The following ELP2 variants were observed in gnomAD, a reference collection of about 807,000 sequenced individuals.
ELP2 encodes elongator complex protein 2.
Under a neutral mutation model 119.2 loss-of-function variants are expected in ELP2, and 90 were observed. The ratio of observed to expected loss-of-function variants is 0.75; its 90% CI spans 0.64 to 0.90. The LOEUF (loss-of-function observed/expected upper bound fraction) is 0.90, where lower values mean the gene tolerates loss of function less well. ELP2 is among the 40% of genes least tolerant of loss of function. ELP2 has a pLI of 0.00. For missense variants in ELP2, 921 were observed against 967.8 expected (o/e 0.95, Z 0.64); for synonymous variants, 339 against 331.0 (o/e 1.02, Z -0.26).
chr18:36,132,044 G>A (rs1339249913), intron 1 of ELP2, among the ~76,000 whole-genome samples: 1 of 149,966 alleles, frequency 6.7e-6, no homozygotes, highest in Admixed American at 6.7e-5. Context: ...CCTAGTAGCA[G>A]GGATTACAGG....
chr18:36,150,927 C>T (rs1420768100), intron 11 of ELP2, among the ~76,000 whole-genome samples: 1 of 151,892 alleles, frequency 6.6e-6, no homozygotes, highest in East Asian at 1.9e-4. Flanking sequence ...GGAACTTCAC[C>T]CCCAGACCAT....
chr18:36,158,688 A>C, intron 13 of ELP2, 147 bp from the exon 14 acceptor site: 2 of 612,076 alleles, frequency 3.3e-6, no homozygotes, highest in Non-Finnish European at 5.8e-6. Flanking sequence ...ACGGGTAGAC[A>C]TCCACACAAG....
At chr18:36,158,937 A>T (rs778466052) in intron 14 of ELP2, 33 bp downstream of exon 14, 1 of 1,461,262 alleles carries the variant, frequency 6.8e-7, no homozygotes. Context: ...TATTAAACCC[A>T]TAGTGGTACT....
chr18:36,170,981 G>C (rs1210810156), intron 20 of ELP2, 66 bp from the exon 21 acceptor site: 1 of 1,151,472 alleles, frequency 8.7e-7, no homozygotes, highest in Non-Finnish European at 1.3e-6. Flanking sequence ...AACTACTTTA[G>C]AGCAATGACG....
intron 11 of ELP2, among the ~76,000 whole-genome samples, chr18:36,146,671 G>C (rs190693919): frequency 6.6e-6 from 1 of 152,102 alleles, no homozygotes; most frequent in Non-Finnish European, 1.5e-5. Flanking sequence ...TATCTTGTTG[G>C]ACTGCTAGAT....
At chr18:36,139,780 A>G (rs2089958325) in intron 5 of ELP2, 1 of 424,540 alleles carries the variant, frequency 2.4e-6, no homozygotes, top group Non-Finnish European at 4.1e-6. Context: ...ATTATTAATG[A>G]TTTTTTATCT....
chr18:36,150,461 T>C (rs1020308085), intron 11 of ELP2, among the ~76,000 whole-genome samples: 3 of 152,180 alleles, frequency 2.0e-5, no homozygotes, highest in Non-Finnish European at 4.4e-5. Flanking sequence ...CTGGAGACAG[T>C]ATGGGTGTTT....
At position 36,141,256 on chromosome 18, in the gene ELP2, A is replaced by G. The variant is rs2090017652; in HGVS notation, c.588+55A>G. 3 of 1,302,726 alleles carry G rather than the reference A, an allele frequency of 2.3e-6. No individual in the cohort carries two copies. The South Asian group carries it at 3.5e-5, about 15-fold the overall frequency. 80.7% of individuals were successfully genotyped at this position (1,302,726 alleles called of 1,614,324 possible). On this transcript the variant is annotated intron_variant, in intron 6 of 21. Transcript: ENST00000358232. ...TTATATTCTGCTTAGTTATATCTCA[A>G]TACAGACTATATCCAGATTATAGAA...
At chr18:36,171,384 A>G (rs1309852302) in intron 21 of ELP2, among the ~76,000 whole-genome samples, 3 of 152,252 alleles carry the variant, frequency 2.0e-5, no homozygotes, top group Non-Finnish European at 4.4e-5. Flanking sequence ...TGCATGCATA[A>G]TATTATTTTT....
intron 18 of ELP2, among the ~76,000 whole-genome samples, chr18:36,166,377 C>T (rs1275962978): frequency 8.7e-6 from 1 of 114,574 alleles, no homozygotes; most frequent in African/African-American, 3.5e-5. Flanking sequence ...GTTCCCCAGG[C>T]TGGAGTGCAG....
At chr18:36,139,633 T>C (rs1251417066) in intron 5 of ELP2, 2 of 1,500,774 alleles carry the variant, frequency 1.3e-6, no homozygotes, top group Admixed American at 2.2e-5. Flanking sequence ...GTTTTGTTTT[T>C]ATTGTTTTTA....
At position 36,170,209 on chromosome 18, in the gene ELP2, G is replaced by A. The variant is rs780885925; in HGVS notation, c.2210+13G>A. 6.2e-7 allele frequency: 1 copy of A among 1,614,068 alleles called. No homozygotes were observed. Among genetic ancestry groups the A allele is most frequent in the Non-Finnish European group, 8.5e-7 (1 of 1,180,002 alleles). ...ACCCTTCTCAACGGTCAGTCTCTGT[G>A]TGGGGCTTAGTTTTAAGAGGACCAC... On this transcript the variant is annotated intron_variant, in intron 20 of 21. Coordinates refer to ENST00000358232, the MANE Select transcript of ELP2 (RefSeq NM_018255.4).
chr18:36,145,103 C>A, intron 9 of ELP2, 69 bp downstream of exon 9: 1 of 1,225,272 alleles, frequency 8.2e-7, no homozygotes, highest in South Asian at 1.2e-5. Flanking sequence ...CTGACCAAAT[C>A]AAGTGGAGAA....
rs932997129 is a variant in ELP2, at chr18:36,175,516, A to G, written c.*875A>G. 1 of 152,240 alleles carries G rather than the reference A, an allele frequency of 6.6e-6. No individual in the cohort carries two copies. Among genetic ancestry groups the G allele is most frequent in the African/African-American group, 2.4e-5 (1 of 41,452 alleles). The allele number at this position is 152,240 out of a possible 1,614,324, so 9.4% of individuals were successfully genotyped here. The stretch of plus-strand genomic sequence containing the variant: ...TTTAGGGCTTTACTGAAAGTAAAAT[A>G]TCCTGACATTTAAACTGACAGATGT... On this transcript the variant is annotated 3_prime_UTR_variant, in exon 22 of 22. Coordinates refer to ENST00000358232, the MANE Select transcript of ELP2 (RefSeq NM_018255.4).
chr18:36,166,949 G>A, intron 18 of ELP2, 152 bp from the exon 19 acceptor site: 2 of 652,444 alleles, frequency 3.1e-6, no homozygotes, highest in Non-Finnish European at 2.4e-6. Flanking sequence ...CTGGTGAGGG[G>A]TTGGTTGCCT....
chr18:36,142,244 A>G (rs1270831445), intron 6 of ELP2, 37 bp from the exon 7 acceptor site: 3 of 1,567,062 alleles, frequency 1.9e-6, no homozygotes, highest in Non-Finnish European at 2.6e-6. Flanking sequence ...AAGATGTTAA[A>G]TTCTTACATC....
At position 36,170,205 on chromosome 18, in the gene ELP2, CTGTG is replaced by C. The variant is rs759441443; in HGVS notation, c.2210+12_2210+15del. 2 of 1,614,058 alleles carry C rather than the reference CTGTG, an allele frequency of 1.2e-6. No individual in the cohort carries two copies. The highest frequency in any genetic ancestry group is 1.1e-5 in the South Asian group (1 of 91,076). ...CTCCACCCTTCTCAACGGTCAGTCT[CTGTG>C]TGGGGCTTAGTTTTAAGAGGACCAC... On this transcript the variant is annotated intron_variant, in intron 20 of 21. Coordinates refer to ENST00000358232, the MANE Select transcript of ELP2 (RefSeq NM_018255.4).
chr18:36,149,631 A>G (rs1243561857), intron 11 of ELP2, among the ~76,000 whole-genome samples: 1 of 152,030 alleles, frequency 6.6e-6, no homozygotes, highest in African/African-American at 2.4e-5. Context: ...GAAGAAAGAA[A>G]AAAAATATAG....
intron 14 of ELP2, among the ~76,000 whole-genome samples, chr18:36,159,368 C>T (rs2090663510): frequency 6.6e-6 from 1 of 152,184 alleles, no homozygotes; most frequent in Non-Finnish European, 1.5e-5. Flanking sequence ...CTGCCTTGGC[C>T]TCCCAAACTG....
Sources: allele counts gnomAD v4.1 joint callset (sites outside exome capture counted in the v4.1 genomes callset), GRCh38; gene constraint gnomAD v4.1.1; transcripts MANE v1.5; gene names NCBI Gene and HGNC (gene_info 2026-07-23, HGNC 2026-07-21).